Variants in RBPMS observed in about 807,000 individuals in gnomAD.
The protein encoded by RBPMS is RNA binding protein, mRNA processing factor.
RBPMS carries 7 observed loss-of-function variants against 26.8 expected under a neutral mutation model. The ratio of observed to expected loss-of-function variants is 0.26; its 90% confidence interval spans 0.15 to 0.49. RBPMS has a LOEUF of 0.49. Ranked by LOEUF, RBPMS falls within the 20% of genes least tolerant of loss-of-function variation. RBPMS has a pLI of 0.98. For missense variants in RBPMS, 186 were observed against 250.0 expected (o/e 0.74, Z 1.73); for synonymous variants, 96 against 93.3 (o/e 1.03, Z -0.17).
Position 30,479,346 on chromosome 8 carries a change from C to T in RBPMS, c.215C>T (p.Ser72Leu). 1.2e-6 allele frequency: 2 copies of T among 1,604,918 alleles called. No individual in the cohort carries two copies. Among genetic ancestry groups the T allele is most frequent in the Non-Finnish European group, 1.7e-6 (2 of 1,177,608 alleles). ...PVGFVSFDSRSEAEAAKNALN... is the reference protein window; with the variant it reads ...PVGFVSFDSRLEAEAAKNALN... ...GGTTTTGTCAGTTTTGACAGTCGCTCAGAAGCAGAGGCTGCAAAGAATGCT... is the reference window on the plus strand; with the variant it reads ...GGTTTTGTCAGTTTTGACAGTCGCTTAGAAGCAGAGGCTGCAAAGAATGCT... Residue 72 changes from serine to leucine, a missense_variant, in exon 4 of 9, where the codon TCA (serine) becomes TTA (leucine). This residue lies in a region of RBPMS where 50 missense variants were observed against 108.5 expected (regional missense o/e 0.46). Coordinates refer to ENST00000397323, the MANE Select transcript of RBPMS (RefSeq NM_001008710.3).
intron 1 of RBPMS, among the ~76,000 whole-genome samples, chr8:30,454,386 G>A (rs7841413): frequency 0.94 from 142,563 of 152,266 alleles, 67,466 homozygotes; most frequent in Non-Finnish European, 1. Context: ...CAGTAAAATG[G>A]CGAACCGTCA....
intron 1 of RBPMS, among the ~76,000 whole-genome samples, chr8:30,449,427 A>G (rs547209069): frequency 1.8e-4 from 26 of 144,790 alleles, no homozygotes; most frequent in African/African-American, 5.8e-4. Flanking sequence ...CTGGAGTGCA[A>G]TGGCACGATT....
rs907511630 is a variant in RBPMS, at chr8:30,481,589, C to G, written c.246+2212C>G. ...CAGTACGCCTTTCTTTAGCACTGTC[C>G]TCTCCTTTAATCATTAATAGTTTGC... On this transcript the variant is annotated intron_variant, in intron 4 of 8. Transcript: ENST00000397323. Among the ~76,000 whole-genome samples, 6 of 151,972 alleles carry G rather than the reference C, an allele frequency of 3.9e-5. No individual in the cohort carries two copies. The East Asian group carries it at 1.2e-3, about 29-fold the overall frequency.
intron 6 of RBPMS, chr8:30,544,945 T>A: frequency 6.8e-7 from 1 of 1,464,922 alleles, no homozygotes; most frequent in East Asian, 2.5e-5. Flanking sequence ...ATCACCAGAG[T>A]GTATACGTGT....
chr8:30,484,427 C>T (rs1818581004), intron 4 of RBPMS, among the ~76,000 whole-genome samples: 1 of 152,224 alleles, frequency 6.6e-6, no homozygotes, highest in Middle Eastern at 3.4e-3. Context: ...GGGAAAAACT[C>T]AACCCTCATA....
chr8:30,471,205 T>C (rs913401101), intron 1 of RBPMS, among the ~76,000 whole-genome samples: 8 of 152,210 alleles, frequency 5.3e-5, no homozygotes, highest in Non-Finnish European at 1.2e-4. Flanking sequence ...TAAATACTTA[T>C]ATGTTGGCTA....
At chr8:30,461,056 A>G (rs1191187495) in intron 1 of RBPMS, among the ~76,000 whole-genome samples, 5 of 151,766 alleles carry the variant, frequency 3.3e-5, no homozygotes, top group African/African-American at 1.2e-4. Context: ...GAAAAAAAAA[A>G]AAAAGAAATT....
Position 30,572,023 on chromosome 8 carries a change from G to A in RBPMS, c.*1498G>A, listed in dbSNP as rs1321483087. ...CACAAAAAACCAAGGCCAGGAGTGA[G>A]GGGCTCTTTCTTACCGTAAATAAGG... On this transcript the variant is annotated 3_prime_UTR_variant, in exon 9 of 9. Coordinates refer to ENST00000397323, the MANE Select transcript of RBPMS (RefSeq NM_001008710.3). The A allele has an allele frequency of 1.3e-5, 2 of 152,184 alleles. No homozygotes were observed. The highest frequency in any genetic ancestry group is 2.4e-5 in the African/African-American group (1 of 41,430). 9.4% of individuals were successfully genotyped at this position (152,184 alleles called of 1,614,324 possible).
At chr8:30,559,885 A>G (rs1253429971) in intron 7 of RBPMS, among the ~76,000 whole-genome samples, 2 of 152,206 alleles carry the variant, frequency 1.3e-5, no homozygotes, top group East Asian at 3.8e-4. Flanking sequence ...TAAGATAAAA[A>G]TACTTCCAAA....
At chr8:30,422,803 A>G (rs988025022) in intron 1 of RBPMS, among the ~76,000 whole-genome samples, 3 of 152,248 alleles carry the variant, frequency 2.0e-5, no homozygotes, top group African/African-American at 4.8e-5. Flanking sequence ...AATACATAAC[A>G]AATGCACTTT....
chr8:30,445,678 A>G (rs1265808737), intron 1 of RBPMS, among the ~76,000 whole-genome samples: 1 of 143,830 alleles, frequency 7.0e-6, no homozygotes, highest in Non-Finnish European at 1.5e-5. Flanking sequence ...ATATATATGT[A>G]TTTTCCTGAA....
At chr8:30,471,173 TATAAG>T (rs1817056168) in intron 1 of RBPMS, among the ~76,000 whole-genome samples, 1 of 152,190 alleles carries the variant, frequency 6.6e-6, no homozygotes, top group Non-Finnish European at 1.5e-5. Flanking sequence ...GTACACATAC[TATAAG>T]ATAAATTTTT....
intron 1 of RBPMS, among the ~76,000 whole-genome samples, chr8:30,474,176 G>A (rs963517046): frequency 6.6e-6 from 1 of 152,086 alleles, no homozygotes; most frequent in African/African-American, 2.4e-5. Flanking sequence ...CAGATGAAGA[G>A]TTAATGCATT....
Position 30,570,948 on chromosome 8 carries a change from T to C in RBPMS, c.*423T>C, listed in dbSNP as rs1828227468. ...CTGGTTTGGATCACAGTTTTTGTTC[T>C]TGACTTTTGAATGCTTGTAATTAAA... is the stretch of plus-strand genomic sequence containing the variant. On this transcript the variant is annotated 3_prime_UTR_variant, in exon 9 of 9. Transcript: ENST00000397323. 1.3e-5 allele frequency: 2 copies of C among 152,196 alleles called. No homozygotes were observed. Among genetic ancestry groups the C allele is most frequent in the African/African-American group, 2.4e-5 (1 of 41,432 alleles). 9.4% of individuals were successfully genotyped at this position (152,196 alleles called of 1,614,324 possible).
At chr8:30,448,659 C>T (rs1016373662) in intron 1 of RBPMS, among the ~76,000 whole-genome samples, 1 of 152,112 alleles carries the variant, frequency 6.6e-6, no homozygotes, top group Non-Finnish European at 1.5e-5. Context: ...GCTCTTGGAC[C>T]CAGGACTCAT....
At chr8:30,498,548 A>G (rs944942707) in intron 4 of RBPMS, among the ~76,000 whole-genome samples, 8 of 152,352 alleles carry the variant, frequency 5.3e-5, no homozygotes, top group African/African-American at 1.9e-4. Context: ...ACACAACCAC[A>G]CTGAAGGTGG....
intron 1 of RBPMS, among the ~76,000 whole-genome samples, chr8:30,445,820 C>G (rs1490281340): frequency 1.3e-5 from 2 of 151,898 alleles, no homozygotes; most frequent in African/African-American, 4.8e-5. Flanking sequence ...CAGACCACCA[C>G]TCCCAGCTGA....
intron 5 of RBPMS, chr8:30,537,541 A>G (rs574339155): frequency 2.2e-5 from 10 of 454,646 alleles, no homozygotes; most frequent in South Asian, 7.8e-5. Context: ...GACATAGAGA[A>G]TATGTCTTTA....
At position 30,482,584 on chromosome 8, in the gene RBPMS, A is replaced by C. The variant is rs149917762; in HGVS notation, c.246+3207A>C. Among the ~76,000 whole-genome samples, 11 of 152,316 alleles carry C rather than the reference A, an allele frequency of 7.2e-5. No homozygotes were observed. The East Asian group carries it at 2.1e-3, about 29-fold the overall frequency. The stretch of plus-strand genomic sequence containing the variant: ...TGGAAAAACATGCTCAGATTGAATT[A>C]AGTTGTAACAGTGAACTTTTATCAG... On this transcript the variant is annotated intron_variant, in intron 4 of 8. Transcript: ENST00000397323.
Sources: gnomAD v4.1 joint callset for allele counts (sites outside exome capture counted in the v4.1 genomes callset) on GRCh38, gnomAD v4.1.1 for gene constraint, gnomAD v4.1.1 regional missense constraint, MANE v1.5 for transcripts, NCBI Gene and HGNC (gene_info 2026-07-23, HGNC 2026-07-21) for gene names.